Variants in GAB1 observed in about 807,000 individuals in gnomAD.
GAB1 encodes the protein GRB2 associated binding protein 1.
Under a neutral mutation model 66.5 loss-of-function variants are expected in GAB1, and 19 were observed. That is an observed-to-expected ratio of 0.29 (90% CI 0.20 to 0.42). The LOEUF is 0.42. Ranked by LOEUF, GAB1 falls within the 10% of genes least tolerant of loss-of-function variation. The pLI, the probability that GAB1 is intolerant of heterozygous loss-of-function variation, is 1.00. For missense variants in GAB1, 732 were observed against 858.5 expected (o/e 0.85, Z 1.84); for synonymous variants, 294 against 301.4 (o/e 0.98, Z 0.25).
intron 6 of GAB1, among the ~76,000 whole-genome samples, chr4:143,458,851 T>C (rs974090530): frequency 6.6e-6 from 1 of 152,070 alleles, no homozygotes; most frequent in Non-Finnish European, 1.5e-5. Context: ...GTTTCCAGAC[T>C]GTGCATGAAT....
chr4:143,442,916 G>A (rs962635703), intron 6 of GAB1, among the ~76,000 whole-genome samples: 2 of 151,254 alleles, frequency 1.3e-5, no homozygotes, highest in Non-Finnish European at 2.9e-5. Context: ...TACCCATATA[G>A]TTTTTGCCAG....
chr4:143,363,660 C>T (rs1201160300), intron 1 of GAB1, among the ~76,000 whole-genome samples: 4 of 152,162 alleles, frequency 2.6e-5, no homozygotes, highest in African/African-American at 9.7e-5. Flanking sequence ...GAATCTTTAC[C>T]TTCTCTGTGA....
chr4:143,462,192 T>C (rs1338427316), intron 8 of GAB1, among the ~76,000 whole-genome samples: 5 of 152,210 alleles, frequency 3.3e-5, no homozygotes, highest in Non-Finnish European at 5.9e-5. Context: ...TTAGACACTT[T>C]TGCTTTTGTA....
intron 1 of GAB1, among the ~76,000 whole-genome samples, chr4:143,380,189 A>G (rs1730599742): frequency 4.6e-5 from 7 of 151,810 alleles, no homozygotes. Context: ...AGAATATTGA[A>G]TCTTGAAACC....
chr4:143,389,636 A>G (rs561212603), intron 1 of GAB1, among the ~76,000 whole-genome samples: 1 of 152,340 alleles, frequency 6.6e-6, no homozygotes, highest in African/African-American at 2.4e-5. Context: ...GATAAAAACT[A>G]TGACCATTGT....
chr4:143,355,579 G>C (rs1729413679), intron 1 of GAB1, among the ~76,000 whole-genome samples: 1 of 152,126 alleles, frequency 6.6e-6, no homozygotes, highest in Non-Finnish European at 1.5e-5. Flanking sequence ...GGAAACAACA[G>C]AAGGGTCTTT....
chr4:143,352,991 C>T (rs550415146), intron 1 of GAB1, among the ~76,000 whole-genome samples: 3 of 152,178 alleles, frequency 2.0e-5, no homozygotes, highest in African/African-American at 4.8e-5. Context: ...GAGAAAGTAC[C>T]TAACTGTCGC....
chr4:143,429,457 C>T (rs1245076273), intron 2 of GAB1, among the ~76,000 whole-genome samples: 1 of 152,120 alleles, frequency 6.6e-6, no homozygotes, highest in Non-Finnish European at 1.5e-5. Context: ...CACAAGGAGT[C>T]TCAGATAGGA....
intron 2 of GAB1, chr4:143,424,865 G>A (rs6858550): frequency 0.07 from 30,637 of 439,214 alleles, 3,547 homozygotes; most frequent in African/African-American, 0.36. Flanking sequence ...TGAGGCAGGA[G>A]AATCACTTGA....
At chr4:143,436,701 C>A (rs1394057156) in intron 3 of GAB1, among the ~76,000 whole-genome samples, 2 of 152,130 alleles carry the variant, frequency 1.3e-5, no homozygotes, top group Non-Finnish European at 2.9e-5. Context: ...AAAGTCATTT[C>A]TTTCAATGCA....
At chr4:143,339,129 A>G (rs545950728) in intron 1 of GAB1, among the ~76,000 whole-genome samples, 33 of 152,362 alleles carry the variant, frequency 2.2e-4, no homozygotes, top group Non-Finnish European at 3.7e-4. Flanking sequence ...TTTTACAGAA[A>G]ACAGTCCTGC....
At chr4:143,429,872 G>A (rs1001937013) in intron 2 of GAB1, among the ~76,000 whole-genome samples, 5 of 152,210 alleles carry the variant, frequency 3.3e-5, no homozygotes, top group Non-Finnish European at 7.3e-5. Context: ...GAGAGGCAGA[G>A]AGACAACTAT....
At chr4:143,463,154 A>G (rs1364310255) in intron 8 of GAB1, among the ~76,000 whole-genome samples, 2 of 152,202 alleles carry the variant, frequency 1.3e-5, no homozygotes, top group Non-Finnish European at 2.9e-5. Flanking sequence ...AATTATAGCA[A>G]TATTTAACAA....
chr4:143,349,748 C>T (rs1175331772), intron 1 of GAB1: 18 of 1,588,762 alleles, frequency 1.1e-5, no homozygotes, highest in Admixed American at 3.4e-5. Context: ...CCCAGACCGA[C>T]GTGGCCATTG....
At chr4:143,426,993 T>C (rs977050288) in intron 2 of GAB1, among the ~76,000 whole-genome samples, 19 of 152,194 alleles carry the variant, frequency 1.2e-4, no homozygotes, top group African/African-American at 4.1e-4. Flanking sequence ...ACTGGGCTCT[T>C]GTCACAAGAC....
At chr4:143,337,404 C>T (rs1440102546) in intron 1 of GAB1, 144 bp downstream of exon 1, 18 of 708,446 alleles carry the variant, frequency 2.5e-5, no homozygotes, top group African/African-American at 7.2e-5. Flanking sequence ...CTACCCCTGG[C>T]GGGCTCGGGA....
intron 1 of GAB1, among the ~76,000 whole-genome samples, chr4:143,399,966 G>T (rs1380697391): frequency 6.7e-6 from 1 of 148,634 alleles, no homozygotes; most frequent in Non-Finnish European, 1.5e-5. Context: ...TCGAGATAGG[G>T]TCTCACCTGT....
chr4:143,406,658 G>A (rs532814044), intron 1 of GAB1, among the ~76,000 whole-genome samples: 2 of 152,312 alleles, frequency 1.3e-5, no homozygotes, highest in African/African-American at 4.8e-5. Flanking sequence ...GTAAGAAAAG[G>A]GTGAGATCCA....
At chr4:143,337,517 A>G (rs1728701453) in intron 1 of GAB1, among the ~76,000 whole-genome samples, 1 of 152,118 alleles carries the variant, frequency 6.6e-6, no homozygotes. Context: ...TCGCCCCATA[A>G]AAGGACCTAG....
Sources: allele counts gnomAD v4.1 joint callset (sites outside exome capture counted in the v4.1 genomes callset), GRCh38; gene constraint gnomAD v4.1.1; transcripts MANE v1.5; gene names NCBI Gene and HGNC (gene_info 2026-07-23, HGNC 2026-07-21).